Variants in FBXL17 observed in about 807,000 individuals in gnomAD.
FBXL17 encodes F-box and leucine rich repeat protein 17, also known as F-box/LRR-repeat protein 17.
Under a neutral mutation model 66.2 loss-of-function variants are expected in FBXL17, and 22 were observed. The observed-to-expected ratio is 0.33, with a 90% CI of 0.24 to 0.47. The LOEUF (loss-of-function observed/expected upper bound fraction) is 0.47. FBXL17 is among the 20% of genes least tolerant of loss of function. The pLI is 1.00. For synonymous variants in FBXL17, 474 were observed against 400.5 expected, an observed-to-expected ratio of 1.18 and a Z score of -2.19; for missense variants, 878 against 948.2, an observed-to-expected ratio of 0.93 and a Z score of 0.97.
Position 107,898,703 on chromosome 5 carries a change from G to A in FBXL17, c.1823-17524C>T, listed in dbSNP as rs188881140. Among the ~76,000 whole-genome samples the A allele has an allele frequency of 1.6e-4, 25 of 152,096 alleles. No homozygotes were observed. In the East Asian group the frequency reaches 3.5e-3, roughly 21 times the overall value. ...TTCTCATTGTTCAACTCCCACTTAC[G>A]AGTGAGAACATGTGGTGTTTGCTTT... On this transcript the variant is annotated intron_variant, in intron 7 of 8. Transcript: ENST00000542267.
intron 6 of FBXL17, among the ~76,000 whole-genome samples, chr5:108,130,931 ATAAG>A (rs1202552436): frequency 3.3e-5 from 5 of 152,270 alleles, no homozygotes; most frequent in Admixed American, 3.3e-4. Flanking sequence ...GGAAGATAGA[ATAAG>A]TAATTTTTTT....
At chr5:108,266,474 G>C (rs1757050311) in intron 4 of FBXL17, among the ~76,000 whole-genome samples, 1 of 152,048 alleles carries the variant, frequency 6.6e-6, no homozygotes, top group African/African-American at 2.4e-5. Context: ...TCAGTGGCTG[G>C]CTCAGTTATC....
At chr5:108,087,755 A>T (rs1749026194) in intron 6 of FBXL17, among the ~76,000 whole-genome samples, 1 of 152,108 alleles carries the variant, frequency 6.6e-6, no homozygotes, top group African/African-American at 2.4e-5. Flanking sequence ...AACAAACAAA[A>T]TGCCCCATCT....
chr5:108,168,507 G>C (rs1752491050), intron 6 of FBXL17, among the ~76,000 whole-genome samples: 1 of 152,116 alleles, frequency 6.6e-6, no homozygotes, highest in Non-Finnish European at 1.5e-5. Flanking sequence ...TAGAACGTTT[G>C]AAATAACCCA....
At chr5:107,974,404 A>G (rs1752503645) in intron 7 of FBXL17, among the ~76,000 whole-genome samples, 1 of 152,142 alleles carries the variant, frequency 6.6e-6, no homozygotes, top group Admixed American at 6.5e-5. Context: ...AAAAAAGAGT[A>G]AGGCAATTAT....
At chr5:108,186,077 T>A in intron 6 of FBXL17, 40 bp downstream of exon 6, 1 of 1,499,750 alleles carries the variant, frequency 6.7e-7, no homozygotes, top group East Asian at 2.3e-5. Flanking sequence ...CCTAAATGTT[T>A]TCCTCTAGAA....
At chr5:108,102,658 G>T (rs920088008) in intron 6 of FBXL17, among the ~76,000 whole-genome samples, 2 of 152,076 alleles carry the variant, frequency 1.3e-5, no homozygotes, top group Non-Finnish European at 2.9e-5. Context: ...CTTTTGTTTT[G>T]CTTTCATTTA....
At chr5:108,158,200 G>A (rs1752068095) in intron 6 of FBXL17, among the ~76,000 whole-genome samples, 1 of 152,026 alleles carries the variant, frequency 6.6e-6, no homozygotes, top group South Asian at 2.1e-4. Context: ...ATTAAGTTCA[G>A]AAAGATGATC....
intron 5 of FBXL17, among the ~76,000 whole-genome samples, chr5:108,194,884 C>T (rs1561457863): frequency 6.6e-6 from 1 of 152,176 alleles, no homozygotes; most frequent in Non-Finnish European, 1.5e-5. Flanking sequence ...GAAAAAGATA[C>T]CCAGTTGATC....
intron 4 of FBXL17, among the ~76,000 whole-genome samples, chr5:108,276,925 T>G (rs1757505046): frequency 6.6e-6 from 1 of 152,082 alleles, no homozygotes; most frequent in Non-Finnish European, 1.5e-5. Flanking sequence ...ATTTTTTCTC[T>G]AGGCAATTAG....
intron 7 of FBXL17, among the ~76,000 whole-genome samples, chr5:107,927,416 T>C (rs1366868765): frequency 6.6e-6 from 1 of 152,168 alleles, no homozygotes; most frequent in Admixed American, 6.6e-5. Context: ...AAGCAAATGC[T>C]TAAGACTCTT....
At chr5:108,241,939 A>G (rs1755870679) in intron 4 of FBXL17, among the ~76,000 whole-genome samples, 1 of 152,156 alleles carries the variant, frequency 6.6e-6, no homozygotes, top group East Asian at 1.9e-4. Flanking sequence ...TTGAACATGA[A>G]GGAGGAATAA....
At chr5:108,106,772 T>C (rs898543612) in intron 6 of FBXL17, among the ~76,000 whole-genome samples, 4 of 152,186 alleles carry the variant, frequency 2.6e-5, no homozygotes, top group Non-Finnish European at 5.9e-5. Context: ...AGTGATGCTA[T>C]GGGTTACAGA....
intron 6 of FBXL17, among the ~76,000 whole-genome samples, chr5:108,154,287 G>GAAA (rs56042627): frequency 2.0e-5 from 2 of 98,412 alleles, no homozygotes; most frequent in Non-Finnish European, 3.8e-5. Flanking sequence ...GATCACAGCT[G>GAAA]AAAAAAAAAA....
At chr5:108,018,029 T>A (rs1754449456) in intron 7 of FBXL17, among the ~76,000 whole-genome samples, 1 of 152,054 alleles carries the variant, frequency 6.6e-6, no homozygotes, top group African/African-American at 2.4e-5. Flanking sequence ...GAGCTGTTCC[T>A]GAATCAATGA....
chr5:108,299,563 T>C (rs1204088690), intron 4 of FBXL17: 9 of 968,728 alleles, frequency 9.3e-6, no homozygotes, highest in Non-Finnish European at 1.1e-5. Flanking sequence ...GATATATTTT[T>C]CCAGAAAAGC....
chr5:108,086,849 CCG>C (rs1359988619), intron 6 of FBXL17, among the ~76,000 whole-genome samples: 1 of 152,084 alleles, frequency 6.6e-6, no homozygotes, highest in Non-Finnish European at 1.5e-5. Context: ...GTGTAAGCTA[CCG>C]CACCCCGCCA....
At chr5:108,208,058 T>C (rs1305268336) in intron 5 of FBXL17, among the ~76,000 whole-genome samples, 1 of 152,238 alleles carries the variant, frequency 6.6e-6, no homozygotes, top group African/African-American at 2.4e-5. Flanking sequence ...TACATTTCTC[T>C]AATGACCAGT....
At position 107,878,903 on chromosome 5, in the gene FBXL17, T is replaced by A. The variant is rs2112497779; in HGVS notation, c.1965+2134A>T. Reference sequence around the variant, plus strand: ...AGCAGGCTCTGACCAGACGGCGTCGTGCTGGAGCCAATGGGTTCTCAGAGT... The same window carrying A: ...AGCAGGCTCTGACCAGACGGCGTCGAGCTGGAGCCAATGGGTTCTCAGAGT... On this transcript the variant is annotated intron_variant, in intron 8 of 8. Coordinates refer to ENST00000542267, the MANE Select transcript of FBXL17 (RefSeq NM_001163315.3). The A allele has an allele frequency of 4.1e-6, 4 of 985,494 alleles. No homozygotes were observed. In the South Asian group the frequency reaches 1.9e-4, roughly 46 times the overall value. 61.0% of individuals were successfully genotyped at this position (985,494 alleles called of 1,614,324 possible). A position where few individuals can be genotyped will look rare whatever the true frequency, so the allele number is the denominator to read the frequency against.
Sources: allele counts gnomAD v4.1 joint callset (sites outside exome capture counted in the v4.1 genomes callset), GRCh38; gene constraint gnomAD v4.1.1; transcripts MANE v1.5; gene names NCBI Gene and HGNC (gene_info 2026-07-23, HGNC 2026-07-21).